Variants in NLGN1 observed in about 807,000 individuals in gnomAD.
The protein encoded by NLGN1 is neuroligin 1.
Under a neutral mutation model 65.5 loss-of-function variants are expected in NLGN1, and 12 were observed. The observed-to-expected ratio is 0.18, with a 90% CI of 0.12 to 0.30. The LOEUF (loss-of-function observed/expected upper bound fraction) is 0.30, where lower values mean the gene tolerates loss of function less well. NLGN1 is among the 10% of genes least tolerant of loss of function. The pLI, the probability that NLGN1 is intolerant of heterozygous loss-of-function variation, is 1.00. For synonymous variants in NLGN1, 350 were observed against 359.5 expected (o/e 0.97, Z 0.30); for missense variants, 750 against 1,007.1 (o/e 0.74, Z 3.46).
intron 4 of NLGN1, among the ~76,000 whole-genome samples, chr3:173,973,015 C>A (rs2152378059): frequency 6.6e-6 from 1 of 152,172 alleles, no homozygotes; most frequent in South Asian, 2.1e-4. Context: ...CACAGCACTG[C>A]CGCTTATTGT....
chr3:173,753,944 A>ATAATATAATATAAT (rs1553836502), intron 3 of NLGN1, among the ~76,000 whole-genome samples: 2 of 116,692 alleles, frequency 1.7e-5, no homozygotes, highest in East Asian at 2.8e-4. Context: ...ATAATATAAT[A>ATAATATAATATAAT]ATAATATAAT....
At chr3:173,599,902 G>A (rs986997840) in intron 2 of NLGN1, among the ~76,000 whole-genome samples, 2 of 152,024 alleles carry the variant, frequency 1.3e-5, no homozygotes, top group African/African-American at 2.4e-5. Context: ...GTCAAACAAG[G>A]CATTGCTCTG....
At chr3:173,784,717 A>G (rs775150023) in intron 3 of NLGN1, among the ~76,000 whole-genome samples, 44 of 151,816 alleles carry the variant, frequency 2.9e-4, no homozygotes, top group Non-Finnish European at 4.1e-4. Context: ...ACAGGCACAC[A>G]GAGGGATCAC....
At chr3:174,035,903 C>T (rs140024256) in intron 4 of NLGN1, among the ~76,000 whole-genome samples, 25 of 152,208 alleles carry the variant, frequency 1.6e-4, no homozygotes, top group African/African-American at 5.5e-4. Flanking sequence ...AGTCCACCCC[C>T]CTCATTCCAA....
At chr3:173,668,277 TG>T (rs1489270048) in intron 3 of NLGN1, among the ~76,000 whole-genome samples, 1 of 152,162 alleles carries the variant, frequency 6.6e-6, no homozygotes, top group East Asian at 1.9e-4. Context: ...TCAGTTTAGT[TG>T]GGTTTTTAAG....
At chr3:173,892,176 G>GTTT (rs1168847577) in intron 4 of NLGN1, among the ~76,000 whole-genome samples, 12 of 134,510 alleles carry the variant, frequency 8.9e-5, no homozygotes, top group African/African-American at 2.7e-4. Context: ...TATATTTAAG[G>GTTT]TTTTTTTTTT....
At chr3:173,409,090 C>A (rs1247005030) in intron 1 of NLGN1, among the ~76,000 whole-genome samples, 1 of 152,004 alleles carries the variant, frequency 6.6e-6, no homozygotes, top group East Asian at 1.9e-4. Flanking sequence ...CCATAGAAAT[C>A]TGAGAAAAAC....
intron 4 of NLGN1, among the ~76,000 whole-genome samples, chr3:174,189,892 G>C (rs1732070713): frequency 6.6e-6 from 1 of 152,110 alleles, no homozygotes; most frequent in African/African-American, 2.4e-5. Context: ...GAAATTGCAG[G>C]CCTGCCCTCC....
chr3:174,181,772 TAA>T (rs1448721044), intron 4 of NLGN1, among the ~76,000 whole-genome samples: 3 of 92,622 alleles, frequency 3.2e-5, no homozygotes, highest in Non-Finnish European at 6.4e-5. Context: ...CTCCAAAAAA[TAA>T]AAATACACAC....
At chr3:173,600,508 A>G (rs1750315465) in intron 2 of NLGN1, among the ~76,000 whole-genome samples, 1 of 147,244 alleles carries the variant, frequency 6.8e-6, no homozygotes, top group Non-Finnish European at 1.5e-5. Flanking sequence ...CCAGGTAAGA[A>G]ATTTAGCAGG....
intron 4 of NLGN1, among the ~76,000 whole-genome samples, chr3:174,264,999 G>A (rs1294308353): frequency 1.3e-5 from 2 of 152,150 alleles, no homozygotes; most frequent in Non-Finnish European, 1.5e-5. Flanking sequence ...CTGCTCGGGG[G>A]TCAGGGGTCA....
intron 2 of NLGN1, among the ~76,000 whole-genome samples, chr3:173,566,285 C>T (rs1559977186): frequency 1.3e-5 from 2 of 152,280 alleles, no homozygotes; most frequent in East Asian, 3.9e-4. Context: ...TGAGCTGCTT[C>T]TCTAGGTTTT....
At chr3:173,446,868 C>T (rs942472408) in intron 2 of NLGN1, among the ~76,000 whole-genome samples, 5 of 152,072 alleles carry the variant, frequency 3.3e-5, no homozygotes, top group Admixed American at 6.6e-5. Flanking sequence ...TCTTCTTTTG[C>T]GAAGTGTCTG....
At chr3:174,147,113 C>T (rs1044450285) in intron 4 of NLGN1, among the ~76,000 whole-genome samples, 1 of 152,070 alleles carries the variant, frequency 6.6e-6, no homozygotes, top group African/African-American at 2.4e-5. Flanking sequence ...CCCCGTCATC[C>T]CCAGTTATAG....
intron 3 of NLGN1, among the ~76,000 whole-genome samples, chr3:173,614,449 A>G (rs1752756170): frequency 6.6e-6 from 1 of 152,032 alleles, no homozygotes; most frequent in African/African-American, 2.4e-5. Context: ...AACATCCTCT[A>G]ACTCTCCATC....
chr3:174,064,969 TAAAG>T (rs1010147592), intron 4 of NLGN1, among the ~76,000 whole-genome samples: 1 of 151,534 alleles, frequency 6.6e-6, no homozygotes, highest in African/African-American at 2.4e-5. Context: ...AAAAATATCT[TAAAG>T]AAAACTGCAT....
intron 3 of NLGN1, among the ~76,000 whole-genome samples, chr3:173,751,118 A>G (rs187739417): frequency 6.6e-6 from 1 of 152,208 alleles, no homozygotes. Context: ...CTATAGAAGT[A>G]TAGCTTCAAG....
intron 4 of NLGN1, among the ~76,000 whole-genome samples, chr3:174,116,172 G>A (rs1321200673): frequency 6.6e-6 from 1 of 151,798 alleles, no homozygotes; most frequent in Non-Finnish European, 1.5e-5. Flanking sequence ...GTATGTTTAG[G>A]TCAAATATAA....
intron 4 of NLGN1, among the ~76,000 whole-genome samples, chr3:173,944,392 A>G (rs760906881): frequency 1.3e-5 from 2 of 152,290 alleles, no homozygotes; most frequent in Admixed American, 6.5e-5. Flanking sequence ...CATGAAGTCA[A>G]TAGAAACCAT....
Sources: gnomAD v4.1 joint callset for allele counts (sites outside exome capture counted in the v4.1 genomes callset) on GRCh38, gnomAD v4.1.1 for gene constraint, MANE v1.5 for transcripts, NCBI Gene and HGNC (gene_info 2026-07-23, HGNC 2026-07-21) for gene names.